ANO2: variants seen among roughly 807,000 people sequenced by gnomAD.
ANO2 encodes the protein anoctamin-2.
Under a neutral mutation model 124.2 loss-of-function variants are expected in ANO2, and 101 were observed. The ratio of observed to expected loss-of-function variants is 0.81; its 90% CI spans 0.69 to 0.96. ANO2 has a LOEUF of 0.96. ANO2 is among the 40% of genes least tolerant of loss of function. The pLI, the probability that ANO2 is intolerant of heterozygous loss-of-function variation, is 0.00. For missense variants in ANO2, 1,293 were observed against 1,274.5 expected, an observed-to-expected ratio of 1.01 and a Z score of -0.22; for synonymous variants, 486 against 482.5, an observed-to-expected ratio of 1.01 and a Z score of -0.09.
At chr12:5,859,099 T>A (rs1175827656) in intron 3 of ANO2, among the ~76,000 whole-genome samples, 1 of 152,188 alleles carries the variant, frequency 6.6e-6, no homozygotes, top group African/African-American at 2.4e-5. Context: ...ATACAATCCA[T>A]CCCTAAAGAA....
At chr12:5,817,434 T>C (rs867139808) in intron 7 of ANO2, among the ~76,000 whole-genome samples, 1 of 152,158 alleles carries the variant, frequency 6.6e-6, no homozygotes, top group Non-Finnish European at 1.5e-5. Flanking sequence ...CACTGGGGCA[T>C]AGAAGATGAC....
chr12:5,839,196 T>A (rs1367065809), intron 4 of ANO2, among the ~76,000 whole-genome samples: 5 of 152,188 alleles, frequency 3.3e-5, no homozygotes, highest in Non-Finnish European at 7.4e-5. Flanking sequence ...CTCCCTGAGT[T>A]GAGAAGACTG....
chr12:5,850,133 G>A (rs1954829362), intron 4 of ANO2, among the ~76,000 whole-genome samples: 1 of 152,154 alleles, frequency 6.6e-6, no homozygotes, highest in Non-Finnish European at 1.5e-5. Flanking sequence ...AGAAGATCTG[G>A]GGCCGGGTGC....
At chr12:5,758,697 A>G (rs1951652644) in intron 10 of ANO2, among the ~76,000 whole-genome samples, 1 of 152,240 alleles carries the variant, frequency 6.6e-6, no homozygotes, top group East Asian at 1.9e-4. Context: ...GACTCTTGCA[A>G]CAACAAAACC....
chr12:5,940,840 T>C (rs1320507057), intron 1 of ANO2, among the ~76,000 whole-genome samples: 4 of 152,118 alleles, frequency 2.6e-5, no homozygotes, highest in Non-Finnish European at 5.9e-5. Context: ...TAACAAAAAC[T>C]AGGACACACA....
At chr12:5,631,665 A>C (rs893474600) in intron 16 of ANO2, among the ~76,000 whole-genome samples, 1 of 152,132 alleles carries the variant, frequency 6.6e-6, no homozygotes, top group Non-Finnish European at 1.5e-5. Flanking sequence ...AGGCCAGAAG[A>C]GGATTTACAA....
At chr12:5,859,637 A>T (rs1955208804) in intron 3 of ANO2, among the ~76,000 whole-genome samples, 1 of 152,022 alleles carries the variant, frequency 6.6e-6, no homozygotes, top group Non-Finnish European at 1.5e-5. Context: ...GGTTCAAGCA[A>T]TCCTCCCACC....
At chr12:5,817,589 T>C (rs1298277423) in intron 7 of ANO2, among the ~76,000 whole-genome samples, 2 of 152,082 alleles carry the variant, frequency 1.3e-5, no homozygotes, top group Admixed American at 6.5e-5. Context: ...GATGTGGGGA[T>C]AGGCATCACT....
At chr12:5,930,952 A>C (rs1433379751) in intron 1 of ANO2, among the ~76,000 whole-genome samples, 1 of 152,082 alleles carries the variant, frequency 6.6e-6, no homozygotes, top group Non-Finnish European at 1.5e-5. Context: ...TCTCCAATGC[A>C]CATGCCCCCC....
At chr12:5,942,961 T>G (rs2136328708) in intron 1 of ANO2, among the ~76,000 whole-genome samples, 1 of 152,256 alleles carries the variant, frequency 6.6e-6, no homozygotes, top group African/African-American at 2.4e-5. Context: ...GTCAAAAATT[T>G]TACTAGATGT....
chr12:5,698,313 G>A (rs1302232351), intron 14 of ANO2, among the ~76,000 whole-genome samples: 2 of 152,194 alleles, frequency 1.3e-5, no homozygotes, highest in Non-Finnish European at 2.9e-5. Flanking sequence ...TGCAGGCTCC[G>A]CTGGTGATAC....
In ANO2 at chr12:5,638,839, A is replaced by G. The variant is rs1434869994; in HGVS notation, c.1621-3492T>C. Among the ~76,000 whole-genome samples the G allele has an allele frequency of 3.3e-5, 5 of 152,140 alleles. No homozygotes were observed. The South Asian group carries it at 1.0e-3, about 32-fold the overall frequency. ...TCATAACTTTACTTCTGGGACATAA[A>G]CAAAATGCAACATAAGCCAGGCTAC... On this transcript the variant is annotated intron_variant, in intron 15 of 24. Transcript: ENST00000682330.
At position 5,744,148 on chromosome 12, in the gene ANO2, G is replaced by A; in HGVS notation, c.1351+9C>T. ...ACCCATATAAGCAAGCCTGGTGATGGCCACATACCCCACAGAGCCATGAAG... is the reference window on the plus strand; with the variant it reads ...ACCCATATAAGCAAGCCTGGTGATGACCACATACCCCACAGAGCCATGAAG... On this transcript the variant is annotated intron_variant, in intron 12 of 24. Coordinates refer to ENST00000682330, the MANE Select transcript of ANO2 (RefSeq NM_001364791.2). 6.2e-7 allele frequency: 1 copy of A among 1,613,146 alleles called. No individual in the cohort carries two copies. Among genetic ancestry groups the A allele is most frequent in the African/African-American group, 1.3e-5 (1 of 74,374 alleles).
At chr12:5,858,935 T>A (rs1955186993) in intron 3 of ANO2, among the ~76,000 whole-genome samples, 1 of 152,186 alleles carries the variant, frequency 6.6e-6, no homozygotes. Context: ...TTTAAAATTA[T>A]CTACAAGATT....
intron 14 of ANO2, among the ~76,000 whole-genome samples, chr12:5,694,355 GAA>G (rs1450498306): frequency 1.3e-5 from 2 of 151,908 alleles, no homozygotes; most frequent in Non-Finnish European, 2.9e-5. Context: ...ACAGGAGAGA[GAA>G]AGAGTGTCAG....
intron 3 of ANO2, among the ~76,000 whole-genome samples, chr12:5,903,722 A>G (rs1431844950): frequency 1.3e-5 from 2 of 152,090 alleles, no homozygotes; most frequent in South Asian, 4.2e-4. Context: ...AATTATCCAA[A>G]CTGGCAGAGA....
intron 16 of ANO2, among the ~76,000 whole-genome samples, chr12:5,619,815 C>T (rs1945021113): frequency 6.6e-6 from 1 of 152,254 alleles, no homozygotes; most frequent in Non-Finnish European, 1.5e-5. Context: ...TGTGCTCCAA[C>T]ATTTAGACGT....
At chr12:5,886,442 G>C (rs1209144901) in intron 3 of ANO2, among the ~76,000 whole-genome samples, 3 of 152,174 alleles carry the variant, frequency 2.0e-5, no homozygotes, top group African/African-American at 7.2e-5. Flanking sequence ...TTGTTGAATG[G>C]GCATAAAGTT....
intron 3 of ANO2, among the ~76,000 whole-genome samples, chr12:5,871,005 C>A (rs2137280866): frequency 6.6e-6 from 1 of 152,156 alleles, no homozygotes; most frequent in South Asian, 2.1e-4. Flanking sequence ...TAAGTAATTT[C>A]AAAAAAACTG....
Sources: gnomAD v4.1 joint callset for allele counts (sites outside exome capture counted in the v4.1 genomes callset) on GRCh38, gnomAD v4.1.1 for gene constraint, MANE v1.5 for transcripts, NCBI Gene and HGNC (gene_info 2026-07-23, HGNC 2026-07-21) for gene names.